GNAL: variants seen among roughly 807,000 people sequenced by gnomAD.
The protein encoded by GNAL is guanine nucleotide-binding protein G(olf) subunit alpha.
Under a neutral mutation model 55.1 loss-of-function variants are expected in GNAL, and 18 were observed. The ratio of observed to expected loss-of-function variants is 0.33; its 90% confidence interval spans 0.23 to 0.48. The LOEUF (loss-of-function observed/expected upper bound fraction) is 0.48. Among genes scored for constraint, GNAL ranks in the 20% least tolerant of loss-of-function variants. The probability of loss-of-function intolerance (pLI) is 0.99; values close to 1 mark genes in which losing one functional copy is unlikely to be tolerated. For synonymous variants in GNAL, 253 were observed against 237.0 expected (o/e 1.07, Z -0.62); for missense variants, 412 against 614.1 (o/e 0.67, Z 3.48).
At chr18:11,842,571 C>T (rs2035642140) in intron 5 of GNAL, among the ~76,000 whole-genome samples, 1 of 152,018 alleles carries the variant, frequency 6.6e-6, no homozygotes, top group Non-Finnish European at 1.5e-5. Context: ...GACAGATCAT[C>T]AGGCATTCGA....
rs142225011 is a variant in GNAL, at chr18:11,832,891, A to T, written c.722+7876A>T. Among the ~76,000 whole-genome samples the T allele has an allele frequency of 2.8e-3, 426 of 152,188 alleles. 2 individuals carry two copies. The highest frequency in any genetic ancestry group is 9.8e-3 in the African/African-American group (406 of 41,548). ...AAATAAATAAATAAATAAAAATTTT[A>T]AAAAATGAGATGAAAGGAACTATAA... On this transcript the variant is annotated intron_variant, in intron 5 of 11. Coordinates refer to ENST00000334049, the MANE Select transcript of GNAL (RefSeq NM_182978.4).
intron 4 of GNAL, among the ~76,000 whole-genome samples, chr18:11,792,767 T>G (rs894199252): frequency 7.9e-5 from 12 of 152,188 alleles, no homozygotes; most frequent in Non-Finnish European, 1.2e-4. Context: ...GATTATAAGA[T>G]TTGAAGGAGA....
At chr18:11,823,482 A>G (rs1436219180) in intron 4 of GNAL, among the ~76,000 whole-genome samples, 2 of 152,058 alleles carry the variant, frequency 1.3e-5, no homozygotes, top group East Asian at 3.9e-4. Context: ...TAAAGCCTAC[A>G]CTCTGGGTAC....
chr18:11,694,749 C>T lies in GNAL; in HGVS notation c.376+4810C>T, dbSNP rs369978849. Among the ~76,000 whole-genome samples the T allele has an allele frequency of 2.8e-3, 428 of 152,314 alleles. 2 individuals are homozygous for T. The highest frequency in any genetic ancestry group is 1.0e-2 in the African/African-American group (414 of 41,560). ...TAGTCAGCTTGCTTACCTACCAAAACACAACAGGCTGAATGACCAAAAACA... is the reference window on the plus strand; with the variant it reads ...TAGTCAGCTTGCTTACCTACCAAAATACAACAGGCTGAATGACCAAAAACA... On this transcript the variant is annotated intron_variant, in intron 1 of 11. Transcript: ENST00000334049.
rs1010804412 is a variant in GNAL, at chr18:11,727,014, C to A, written c.377-25839C>A. On this transcript the variant is annotated intron_variant, in intron 1 of 11. Coordinates refer to ENST00000334049, the MANE Select transcript of GNAL (RefSeq NM_182978.4). ...TTTAGTGACACCAGGAACCAGGCTGCTTGGGGTCCTCAGTAGCAGCCTCTG... is the reference window on the plus strand; with the variant it reads ...TTTAGTGACACCAGGAACCAGGCTGATTGGGGTCCTCAGTAGCAGCCTCTG... Among the ~76,000 whole-genome samples, 6 of 152,056 alleles carry A rather than the reference C, an allele frequency of 3.9e-5. No homozygotes were observed. In the East Asian group the frequency reaches 1.2e-3, roughly 29 times the overall value.
intron 4 of GNAL, among the ~76,000 whole-genome samples, chr18:11,808,965 A>G (rs1307254539): frequency 6.6e-6 from 1 of 152,240 alleles, no homozygotes; most frequent in Non-Finnish European, 1.5e-5. Context: ...TTGTAGAGAC[A>G]GAAAGGAGGG....
At chr18:11,874,922 C>T (rs949056247) in intron 10 of GNAL, among the ~76,000 whole-genome samples, 1 of 151,642 alleles carries the variant, frequency 6.6e-6, no homozygotes, top group Non-Finnish European at 1.5e-5. Flanking sequence ...TAAGTGTCCT[C>T]ACAGCCTCAC....
intron 4 of GNAL, among the ~76,000 whole-genome samples, chr18:11,804,022 G>T (rs953049671): frequency 6.7e-6 from 1 of 150,034 alleles, no homozygotes; most frequent in Non-Finnish European, 1.5e-5. Context: ...AGTGGAACAC[G>T]GAGATACTGT....
intron 1 of GNAL, among the ~76,000 whole-genome samples, chr18:11,690,999 G>C (rs34791576): frequency 0.13 from 18,139 of 141,396 alleles, 1,907 homozygotes; most frequent in African/African-American, 0.31. Flanking sequence ...TGGGTCAAAT[G>C]GTATTTCTAG....
At position 11,852,052 on chromosome 18, in the gene GNAL, G is replaced by T. The variant is rs145696105; in HGVS notation, c.723-10343G>T. The T allele has an allele frequency of 9.9e-5, 159 of 1,613,574 alleles. No homozygotes were observed. The African/African-American group carries it at 1.1e-3, about 11-fold the overall frequency. On this transcript the variant is annotated intron_variant, in intron 5 of 11. Coordinates refer to ENST00000334049, the MANE Select transcript of GNAL (RefSeq NM_182978.4). ...GACCGGCTCCGTGGGCACGAGCGTG[G>T]CTTCGGCGGAGCAGGATGAACTGTC...
At chr18:11,797,221 C>G (rs960698537) in intron 4 of GNAL, among the ~76,000 whole-genome samples, 48 of 152,282 alleles carry the variant, frequency 3.2e-4, no homozygotes, top group African/African-American at 1.2e-3. Flanking sequence ...CGTGAGCCAC[C>G]GCACCCGGCC....
chr18:11,763,717 C>T (rs2033316802), intron 4 of GNAL, among the ~76,000 whole-genome samples: 1 of 152,096 alleles, frequency 6.6e-6, no homozygotes, highest in Admixed American at 6.6e-5. Context: ...CCAAGAGTCT[C>T]AATAATTTAA....
chr18:11,864,975 C>T (rs1326080625), intron 7 of GNAL, among the ~76,000 whole-genome samples: 2 of 152,154 alleles, frequency 1.3e-5, no homozygotes, highest in African/African-American at 2.4e-5. Flanking sequence ...CAACTGCAAA[C>T]TCAGCCAAAT....
intron 4 of GNAL, among the ~76,000 whole-genome samples, chr18:11,796,317 C>T (rs932638171): frequency 1.3e-5 from 2 of 152,090 alleles, no homozygotes; most frequent in Non-Finnish European, 2.9e-5. Flanking sequence ...GTGGCTCACG[C>T]CTGTAATCCC....
intron 4 of GNAL, among the ~76,000 whole-genome samples, chr18:11,816,818 GAAA>G (rs11310574): frequency 1.4e-5 from 2 of 138,072 alleles, no homozygotes; most frequent in Non-Finnish European, 3.1e-5. Context: ...TGTCTCGAAA[GAAA>G]AAAAAAAAAA....
At chr18:11,692,800 C>G (rs2031293900) in intron 1 of GNAL, among the ~76,000 whole-genome samples, 1 of 135,336 alleles carries the variant, frequency 7.4e-6, no homozygotes, top group African/African-American at 3.3e-5. Flanking sequence ...GACCCTGTCT[C>G]AAAAATGAAT....
At chr18:11,833,473 C>A (rs940824381) in intron 5 of GNAL, 1 of 152,224 alleles carries the variant, frequency 6.6e-6, no homozygotes, top group African/African-American at 2.4e-5. Context: ...TGGCCATCAG[C>A]CCCTGTTACA....
intron 5 of GNAL, among the ~76,000 whole-genome samples, chr18:11,846,489 A>G (rs868763904): frequency 1.3e-4 from 19 of 145,542 alleles, no homozygotes; most frequent in African/African-American, 5.2e-4. Context: ...ACACACACAC[A>G]CACAGACTCA....
At chr18:11,733,842 A>G (rs1464400157) in intron 1 of GNAL, among the ~76,000 whole-genome samples, 1 of 151,010 alleles carries the variant, frequency 6.6e-6, no homozygotes, top group Non-Finnish European at 1.5e-5. Context: ...ATGCAACAAA[A>G]CTGCACTTGT....
Sources: allele counts gnomAD v4.1 joint callset (sites outside exome capture counted in the v4.1 genomes callset), GRCh38; gene constraint gnomAD v4.1.1; transcripts MANE v1.5; gene names NCBI Gene and HGNC (gene_info 2026-07-23, HGNC 2026-07-21).